The following TRDMT1 variants were observed in gnomAD, a reference collection of about 807,000 sequenced individuals.
TRDMT1 encodes the protein tRNA (cytosine(38)-C(5))-methyltransferase.
A neutral mutation model predicts 51.2 loss-of-function variants in TRDMT1; 49 were observed. The observed-to-expected ratio is 0.96, with a 90% confidence interval of 0.76 to 1.21. The LOEUF (loss-of-function observed/expected upper bound fraction) is 1.21, where lower values mean the gene tolerates loss of function less well. Ranked by LOEUF, TRDMT1 falls within the 50% of genes most tolerant of loss-of-function variation. TRDMT1 has a pLI of 0.00. For missense variants in TRDMT1, 534 were observed against 462.3 expected (o/e 1.16, Z -1.42); for synonymous variants, 187 against 164.6 (o/e 1.14, Z -1.04).
chr10:17,160,038 T>A (rs933667376), intron 6 of TRDMT1, among the ~76,000 whole-genome samples: 1 of 152,110 alleles, frequency 6.6e-6, no homozygotes, highest in African/African-American at 2.4e-5. Context: ...CTTGACGTAT[T>A]TTCAAAATAT....
chr10:17,141,158 T>C lies in TRDMT1; in HGVS notation c.*7882A>G, dbSNP rs965840749. ...CAACGTGTCATTTTTCTCCAGCTGC[T>C]TTTATTTATTTATTTATTTTTTTGA... On this transcript the variant is annotated 3_prime_UTR_variant, in exon 11 of 11. Transcript: ENST00000377799. Among the ~76,000 whole-genome samples, 1 of 152,138 alleles carries C rather than the reference T, an allele frequency of 6.6e-6. No individual in the cohort carries two copies. Among genetic ancestry groups the C allele is most frequent in the African/African-American group, 2.4e-5 (1 of 41,434 alleles).
chr10:17,154,768 G>T (rs1393255371), intron 8 of TRDMT1, 34 bp from the exon 9 acceptor site: 3 of 1,565,822 alleles, frequency 1.9e-6, no homozygotes, highest in Non-Finnish European at 2.6e-6. Flanking sequence ...TGCAGCACCT[G>T]ATGTATGTGT....
chr10:17,179,545 T>C, intron 1 of TRDMT1, among the ~76,000 whole-genome samples: 1 of 152,142 alleles, frequency 6.6e-6, no homozygotes, highest in Non-Finnish European at 1.5e-5. Flanking sequence ...ATGATAATGA[T>C]TATTTTAACT....
At chr10:17,177,567 A>G (rs898726089) in intron 1 of TRDMT1, among the ~76,000 whole-genome samples, 3 of 152,202 alleles carry the variant, frequency 2.0e-5, no homozygotes, top group Admixed American at 6.6e-5. Context: ...ACATAAGGAC[A>G]TCACGCTTCC....
chr10:17,173,717 T>C (rs765821089), intron 2 of TRDMT1, among the ~76,000 whole-genome samples: 2 of 151,814 alleles, frequency 1.3e-5, no homozygotes, highest in East Asian at 1.9e-4. Flanking sequence ...AGAAATTTCA[T>C]GAGAAATTTG....
At chr10:17,169,039 G>A (rs958063158) in intron 2 of TRDMT1, 122 bp from the exon 3 acceptor site, 1 of 692,670 alleles carries the variant, frequency 1.4e-6, no homozygotes, top group South Asian at 2.2e-5. Context: ...TACAATGCTT[G>A]TCAAATCAAC....
At chr10:17,196,164 G>C (rs375493581) in intron 1 of TRDMT1, among the ~76,000 whole-genome samples, 1 of 152,188 alleles carries the variant, frequency 6.6e-6, no homozygotes, top group Non-Finnish European at 1.5e-5. Context: ...TAATTAATAC[G>C]TGACAAATGA....
intron 1 of TRDMT1, among the ~76,000 whole-genome samples, chr10:17,194,252 G>A (rs959650992): frequency 1.3e-5 from 2 of 152,136 alleles, no homozygotes; most frequent in East Asian, 3.9e-4. Context: ...CCTTGGAAAA[G>A]AATTTATGAC....
At chr10:17,150,617 A>C in intron 10 of TRDMT1, 5 of 985,310 alleles carry the variant, frequency 5.1e-6, no homozygotes, top group Non-Finnish European at 6.0e-6. Context: ...ATAAAGGAAA[A>C]ATAAGTTAGA....
chr10:17,195,354 C>T (rs957853829), intron 1 of TRDMT1, among the ~76,000 whole-genome samples: 1 of 152,110 alleles, frequency 6.6e-6, no homozygotes, highest in African/African-American at 2.4e-5. Flanking sequence ...AACACAGAAA[C>T]AGAAAACCAA....
Position 17,143,662 on chromosome 10 carries a change from G to A in TRDMT1, c.*5378C>T. 1 of 985,462 alleles carries A rather than the reference G, an allele frequency of 1.0e-6. No individual in the cohort carries two copies. Among genetic ancestry groups the A allele is most frequent in the South Asian group, 4.7e-5 (1 of 21,286 alleles). 61.0% of individuals were successfully genotyped at this position (985,462 alleles called of 1,614,324 possible). A position where few individuals can be genotyped will look rare whatever the true frequency, so the allele number is the denominator to read the frequency against. ...CACAAATATGATTGCAAATATATGT[G>A]TGGGTGTTTTTAAATCTCAGTGACT... On this transcript the variant is annotated 3_prime_UTR_variant, in exon 11 of 11. Coordinates refer to ENST00000377799, the MANE Select transcript of TRDMT1 (RefSeq NM_004412.7).
intron 5 of TRDMT1, 108 bp from the exon 6 acceptor site, chr10:17,160,482 T>C (rs541669626): frequency 1.4e-6 from 1 of 716,020 alleles, no homozygotes; most frequent in Non-Finnish European, 2.1e-6. Flanking sequence ...GTTTTTTTGG[T>C]TTTTTTTGAG....
chr10:17,177,791 T>A (rs1176558469), intron 1 of TRDMT1, among the ~76,000 whole-genome samples: 2 of 152,014 alleles, frequency 1.3e-5, no homozygotes, highest in Non-Finnish European at 2.9e-5. Context: ...TGATGATTCT[T>A]CTTTCTGGAA....
In TRDMT1 at chr10:17,139,810, A is replaced by G. The variant is rs530879171; in HGVS notation, c.*9230T>C. On this transcript the variant is annotated 3_prime_UTR_variant, in exon 11 of 11. Coordinates refer to ENST00000377799, the MANE Select transcript of TRDMT1 (RefSeq NM_004412.7). ...GTTGTCATCAATGGCAGAAAGGATG[A>G]GATGACCTCACTTCTGTCTTTTTCA... 3.4e-4 allele frequency among the ~76,000 whole-genome samples: 52 copies of G among 152,252 alleles called. No individual in the cohort carries two copies. Among genetic ancestry groups the G allele is most frequent in the Middle Eastern group, 6.8e-3 (2 of 292 alleles).
chr10:17,163,267 GA>G (rs901697865), intron 3 of TRDMT1, among the ~76,000 whole-genome samples: 5 of 152,114 alleles, frequency 3.3e-5, no homozygotes, highest in Non-Finnish European at 7.4e-5. Flanking sequence ...AGGCAGAAAT[GA>G]AGACTTGAAT....
chr10:17,185,784 A>T (rs10795456), intron 1 of TRDMT1, among the ~76,000 whole-genome samples: 142,593 of 152,044 alleles, frequency 0.94, 67,188 homozygotes, highest in Middle Eastern at 0.99. Flanking sequence ...GAAACCATCA[A>T]TCTCAGCAAA....
chr10:17,174,889 T>G (rs546526783), intron 1 of TRDMT1, among the ~76,000 whole-genome samples: 3 of 152,224 alleles, frequency 2.0e-5, no homozygotes, highest in Non-Finnish European at 4.4e-5. Flanking sequence ...AAAGAGAAGA[T>G]TTAAATATTT....
chr10:17,155,007 G>T (rs116199928), intron 8 of TRDMT1, among the ~76,000 whole-genome samples: 2,396 of 122,184 alleles, frequency 0.02, 67 homozygotes, highest in African/African-American at 0.065. Flanking sequence ...ATCACCTGAG[G>T]TCAGAGGAGT....
intron 10 of TRDMT1, chr10:17,151,986 C>T (rs1838798447): frequency 1.6e-6 from 2 of 1,288,216 alleles, no homozygotes; most frequent in Admixed American, 2.5e-5. Context: ...TCAGTATTAC[C>T]AAAGTGACTA....
Sources: allele counts gnomAD v4.1 joint callset (sites outside exome capture counted in the v4.1 genomes callset), GRCh38; gene constraint gnomAD v4.1.1; transcripts MANE v1.5; gene names NCBI Gene and HGNC (gene_info 2026-07-23, HGNC 2026-07-21).